SRRM3: variants seen among roughly 807,000 people sequenced by gnomAD.
SRRM3 encodes serine/arginine repetitive matrix protein 3.
Under a neutral mutation model 66.2 loss-of-function variants are expected in SRRM3, and 27 were observed. That is an observed-to-expected ratio of 0.41 (90% CI 0.30 to 0.56). SRRM3 has a LOEUF of 0.56. SRRM3 is among the 20% of genes least tolerant of loss of function. SRRM3 has a pLI of 0.32. For synonymous variants in SRRM3, 391 were observed against 414.9 expected, an observed-to-expected ratio of 0.94 and a Z score of 0.70; for missense variants, 918 against 991.9, an observed-to-expected ratio of 0.93 and a Z score of 1.00.
At chr7:76,241,374 C>A (rs1554605610) in intron 2 of SRRM3, among the ~76,000 whole-genome samples, 1 of 152,242 alleles carries the variant, frequency 6.6e-6, no homozygotes, top group South Asian at 2.1e-4. Flanking sequence ...CCAGGCAATT[C>A]TCGGAGCTGG....
chr7:76,210,884 C>T (rs1419546364), intron 1 of SRRM3, among the ~76,000 whole-genome samples: 1 of 152,058 alleles, frequency 6.6e-6, no homozygotes, highest in East Asian at 1.9e-4. Flanking sequence ...CTCACTGCAA[C>T]CTCTGCCTCC....
intron 11 of SRRM3, among the ~76,000 whole-genome samples, chr7:76,272,461 G>A (rs1802237704): frequency 6.6e-6 from 1 of 152,086 alleles, no homozygotes; most frequent in Admixed American, 6.6e-5. Context: ...CCAGCCACTT[G>A]GAAGGCTGAG....
intron 2 of SRRM3, among the ~76,000 whole-genome samples, chr7:76,236,479 G>A (rs1050933179): frequency 7.9e-5 from 12 of 152,072 alleles, no homozygotes; most frequent in Non-Finnish European, 1.5e-4. Context: ...AGCCACATGG[G>A]GCCAGACACA....
chr7:76,281,312 TTC>T, intron 11 of SRRM3, 127 bp from the exon 12 acceptor site: 1 of 608,884 alleles, frequency 1.6e-6, no homozygotes, highest in Non-Finnish European at 2.2e-6. Flanking sequence ...TCTTTCCTCT[TTC>T]TGTCTCTGTC....
chr7:76,228,346 T>C (rs1387956843), intron 1 of SRRM3, among the ~76,000 whole-genome samples: 1 of 152,030 alleles, frequency 6.6e-6, no homozygotes, highest in African/African-American at 2.4e-5. Context: ...TAAGGACCAG[T>C]AGTATTGGTG....
Position 76,265,430 on chromosome 7 carries a change from C to G in SRRM3, c.792C>G (p.Ser264=). The part of the protein sequence containing the change: ...RHSSGSSHSP[S]LSSHYSDSRS... ...GCAGTGGCAGCTCCCACAGCCCCTCCCTCTCCTCCCACTACAGTGATTCCA... is the reference window on the plus strand; with the variant it reads ...GCAGTGGCAGCTCCCACAGCCCCTCGCTCTCCTCCCACTACAGTGATTCCA... The change falls in exon 10 of 15, where the codon TCC becomes TCG. Residue 264 remains serine (S), a synonymous_variant. Coordinates refer to ENST00000611745, the MANE Select transcript of SRRM3 (RefSeq NM_001110199.3). 1 of 1,606,348 alleles carries G rather than the reference C, an allele frequency of 6.2e-7. No homozygotes were observed. Among genetic ancestry groups the G allele is most frequent in the Non-Finnish European group, 8.5e-7 (1 of 1,176,692 alleles).
rs781907921 is a variant in SRRM3 at position 76,265,418 on chromosome 7, C to T, written c.780C>T (p.Ser260=). The T allele has an allele frequency of 9.3e-6, 15 of 1,606,450 alleles. No individual in the cohort carries two copies. Among genetic ancestry groups the T allele is most frequent in the Non-Finnish European group, 1.3e-5 (15 of 1,176,724 alleles). ...CTCATCGCCATAGCAGTGGCAGCTC[C>T]CACAGCCCCTCCCTCTCCTCCCACT... ...RRSHRHSSGS[S]HSPSLSSHYS... is the part of the protein sequence containing the mutation. The change falls in exon 10 of 15, where the codon TCC becomes TCT. Residue 260 remains serine, a synonymous_variant. Coordinates refer to ENST00000611745, the MANE Select transcript of SRRM3 (RefSeq NM_001110199.3).
chr7:76,260,524 G>T (rs1348226232), intron 5 of SRRM3, among the ~76,000 whole-genome samples: 22 of 128,976 alleles, frequency 1.7e-4, no homozygotes, highest in Non-Finnish European at 3.0e-4. Flanking sequence ...CCCTCATCGA[G>T]GTCCTCTCCC....
At chr7:76,226,793 G>A (rs1416653020) in intron 1 of SRRM3, among the ~76,000 whole-genome samples, 1 of 151,880 alleles carries the variant, frequency 6.6e-6, no homozygotes, top group Non-Finnish European at 1.5e-5. Flanking sequence ...ATTTCACCAT[G>A]TTGGTCAAGC....
At chr7:76,216,857 C>T (rs930337391) in intron 1 of SRRM3, among the ~76,000 whole-genome samples, 2 of 152,168 alleles carry the variant, frequency 1.3e-5, no homozygotes, top group Non-Finnish European at 2.9e-5. Flanking sequence ...GCATCTGGAT[C>T]GATGGGAAAG....
intron 1 of SRRM3, among the ~76,000 whole-genome samples, chr7:76,207,868 G>T (rs782720313): frequency 4.5e-4 from 68 of 152,204 alleles, no homozygotes; most frequent in Middle Eastern, 3.4e-3. Context: ...CAGAGCGGGG[G>T]ACTCTGTCTC....
At chr7:76,247,750 A>T (rs1361719240) in intron 2 of SRRM3, among the ~76,000 whole-genome samples, 2 of 152,116 alleles carry the variant, frequency 1.3e-5, no homozygotes, top group African/African-American at 4.8e-5. Context: ...GCTGGTGTGC[A>T]GTGGCGTGAT....
rs13244679 is a variant in SRRM3 at position 76,253,103 on chromosome 7, G to T, written c.335+4814G>T. 2.0e-5 allele frequency among the ~76,000 whole-genome samples: 3 copies of T among 152,218 alleles called. No homozygotes were observed. The South Asian group carries it at 6.2e-4, about 32-fold the overall frequency. Reference sequence around the variant, plus strand: ...GGCTTGAACCCAGGAGGTGGAAGTTGTTGCAGTGAGCCAAAATCATGCCAC... The same window carrying T: ...GGCTTGAACCCAGGAGGTGGAAGTTTTTGCAGTGAGCCAAAATCATGCCAC... On this transcript the variant is annotated intron_variant, in intron 3 of 14. Transcript: ENST00000611745.
At chr7:76,229,057 C>T (rs112978372) in intron 1 of SRRM3, among the ~76,000 whole-genome samples, 1 of 152,048 alleles carries the variant, frequency 6.6e-6, no homozygotes, top group South Asian at 2.1e-4. Context: ...TGCCACTACA[C>T]CCGGCTAATT....
chr7:76,277,706 TAAAC>T (rs1358746648), intron 11 of SRRM3, among the ~76,000 whole-genome samples: 3 of 31,180 alleles, frequency 9.6e-5, no homozygotes. Flanking sequence ...TCAAAACAAA[TAAAC>T]AACAACAAAA....
intron 1 of SRRM3, among the ~76,000 whole-genome samples, chr7:76,207,061 T>C (rs1463534635): frequency 6.6e-6 from 1 of 152,148 alleles, no homozygotes; most frequent in Non-Finnish European, 1.5e-5. Flanking sequence ...AAGCAAGTTG[T>C]ACAGAATCGT....
chr7:76,208,229 C>A (rs953454431), intron 1 of SRRM3, among the ~76,000 whole-genome samples: 2 of 152,092 alleles, frequency 1.3e-5, no homozygotes, highest in African/African-American at 2.4e-5. Flanking sequence ...GAAGAAAGCA[C>A]CCAGAACTGG....
chr7:76,258,976 G>A (rs924802409), intron 3 of SRRM3, among the ~76,000 whole-genome samples: 3 of 152,012 alleles, frequency 2.0e-5, no homozygotes, highest in East Asian at 1.9e-4. Flanking sequence ...CCCAGGAAGC[G>A]GAGGTTGCAG....
intron 1 of SRRM3, 79 bp from the exon 2 acceptor site, chr7:76,234,949 G>A: frequency 1.2e-6 from 1 of 827,126 alleles, no homozygotes; most frequent in Non-Finnish European, 1.8e-6. Context: ...TAAATCTCCA[G>A]GATTAACTCC....
Sources: allele counts gnomAD v4.1 joint callset (sites outside exome capture counted in the v4.1 genomes callset), GRCh38; gene constraint gnomAD v4.1.1; transcripts MANE v1.5; gene names NCBI Gene and HGNC (gene_info 2026-07-23, HGNC 2026-07-21).